Variants in ZC3H3 observed in about 807,000 individuals in gnomAD.
ZC3H3 encodes zinc finger CCCH-type containing 3.
A neutral mutation model predicts 77.3 loss-of-function variants in ZC3H3; 36 were observed. The ratio of observed to expected loss-of-function variants is 0.47; its 90% CI spans 0.36 to 0.61. The LOEUF (loss-of-function observed/expected upper bound fraction) is 0.61, where lower values mean the gene tolerates loss of function less well. ZC3H3 is among the 20% of genes least tolerant of loss of function. ZC3H3 has a pLI of 0.00. For synonymous variants in ZC3H3, 626 were observed against 555.2 expected, an observed-to-expected ratio of 1.13 and a Z score of -1.79; for missense variants, 1,331 against 1,312.2, an observed-to-expected ratio of 1.01 and a Z score of -0.22.
At chr8:143,454,248 A>ATT (rs1162609287) in intron 9 of ZC3H3, among the ~76,000 whole-genome samples, 1 of 139,330 alleles carries the variant, frequency 7.2e-6, no homozygotes, top group Non-Finnish European at 1.6e-5. Context: ...CACTCAGGTA[A>ATT]TTTTTTTTTT....
intron 4 of ZC3H3, among the ~76,000 whole-genome samples, chr8:143,504,950 A>G (rs1371989415): frequency 6.6e-6 from 1 of 152,194 alleles, no homozygotes; most frequent in Non-Finnish European, 1.5e-5. Flanking sequence ...GCAAGATGCT[A>G]AGGCTCTGAG....
At chr8:143,514,931 C>A (rs1563872400) in intron 3 of ZC3H3, among the ~76,000 whole-genome samples, 1 of 152,252 alleles carries the variant, frequency 6.6e-6, no homozygotes, top group African/African-American at 2.4e-5. Context: ...GCCCGGCCGC[C>A]GCATCTGCTG....
intron 4 of ZC3H3, among the ~76,000 whole-genome samples, chr8:143,488,541 G>A (rs551754729): frequency 1.2e-4 from 18 of 148,766 alleles, no homozygotes; most frequent in Admixed American, 3.3e-4. Context: ...AACAGCACCC[G>A]CTACACGGCC....
intron 1 of ZC3H3, among the ~76,000 whole-genome samples, 199 bp downstream of exon 1, chr8:143,541,177 C>T (rs993535426): frequency 1.3e-5 from 2 of 152,200 alleles, no homozygotes; most frequent in Non-Finnish European, 2.9e-5. Flanking sequence ...CGGCACCACT[C>T]CCTCGACAAA....
At chr8:143,536,765 G>T (rs1822813605) in intron 2 of ZC3H3, among the ~76,000 whole-genome samples, 1 of 152,044 alleles carries the variant, frequency 6.6e-6, no homozygotes, top group African/African-American at 2.4e-5. Flanking sequence ...CTCCCCATCT[G>T]CCCAGGAAAA....
intron 1 of ZC3H3, 101 bp downstream of exon 1, chr8:143,541,275 C>G (rs1823005032): frequency 6.4e-7 from 1 of 1,574,642 alleles, no homozygotes; most frequent in African/African-American, 1.4e-5. Context: ...CCACCCAGAA[C>G]ACGCGGGCGG....
At chr8:143,451,839 T>C (rs888274282) in intron 9 of ZC3H3, among the ~76,000 whole-genome samples, 1 of 151,314 alleles carries the variant, frequency 6.6e-6, no homozygotes, top group African/African-American at 2.4e-5. Context: ...TTGCATTGCA[T>C]TGCTTGGAAC....
At chr8:143,461,241 A>G (rs1563839964) in intron 9 of ZC3H3, among the ~76,000 whole-genome samples, 1 of 152,236 alleles carries the variant, frequency 6.6e-6, no homozygotes, top group Non-Finnish European at 1.5e-5. Context: ...GGAATGGCCC[A>G]TAAGCACCCA....
At chr8:143,439,854 CTGAG>C in intron 11 of ZC3H3, among the ~76,000 whole-genome samples, 183 bp downstream of exon 11, 7 of 111,356 alleles carry the variant, frequency 6.3e-5, no homozygotes, top group African/African-American at 1.7e-4. Flanking sequence ...CCCTGGGGGC[CTGAG>C]CCAGGCCATG....
At chr8:143,445,548 C>G (rs1012582890) in intron 9 of ZC3H3, among the ~76,000 whole-genome samples, 4 of 151,962 alleles carry the variant, frequency 2.6e-5, no homozygotes, top group Non-Finnish European at 4.4e-5. Flanking sequence ...ACAAAATTAG[C>G]CAGGTGTCAT....
intron 3 of ZC3H3, among the ~76,000 whole-genome samples, chr8:143,509,942 C>T (rs1459815472): frequency 3.3e-5 from 5 of 152,228 alleles, no homozygotes; most frequent in Non-Finnish European, 1.5e-5. Context: ...CCAGCACATG[C>T]CAAGTCCTCT....
rs1046874750 is a variant in ZC3H3 at position 143,530,944 on chromosome 8, G to A, written c.1561+5313C>T. Among the ~76,000 whole-genome samples, 5 of 148,468 alleles carry A rather than the reference G, an allele frequency of 3.4e-5. No homozygotes were observed. The highest frequency in any genetic ancestry group is 1.0e-4 in the African/African-American group (4 of 40,188). ...TCGCCCAGGCCACCCTTCTGGGGCT[G>A]TCTTCTATCTCCTTTTTTTTTTTTT... On this transcript the variant is annotated intron_variant, in intron 3 of 11. Coordinates refer to ENST00000262577, the MANE Select transcript of ZC3H3 (RefSeq NM_015117.3). This position sits in a 1 kb window ranked among gnomAD's most constrained non-coding sequence, Gnocchi z 4.3.
chr8:143,509,013 C>T (rs191959541), intron 3 of ZC3H3, among the ~76,000 whole-genome samples: 14 of 152,334 alleles, frequency 9.2e-5, no homozygotes, highest in African/African-American at 2.9e-4. Flanking sequence ...CATCTCTCCA[C>T]AGACTCGCTC....
At chr8:143,483,581 G>A (rs1008184827) in intron 4 of ZC3H3, among the ~76,000 whole-genome samples, 1 of 152,188 alleles carries the variant, frequency 6.6e-6, no homozygotes, top group Admixed American at 6.5e-5. Context: ...TGCAGTGGGG[G>A]TGCTAGGCGG....
intron 4 of ZC3H3, among the ~76,000 whole-genome samples, chr8:143,491,544 C>T (rs186946084): frequency 6.0e-4 from 92 of 152,388 alleles, no homozygotes; most frequent in African/African-American, 2.1e-3. Flanking sequence ...CGGCTGGAGA[C>T]GCAGTGTGCC....
At position 143,466,495 on chromosome 8, in the gene ZC3H3, T is replaced by C. The variant is rs1429113007; in HGVS notation, c.2176-647A>G. On this transcript the variant is annotated intron_variant, in intron 8 of 11. Coordinates refer to ENST00000262577, the MANE Select transcript of ZC3H3 (RefSeq NM_015117.3). ...CACAGTCAGTGCTTGTTATCACCAC[T>C]GGGCTGGGAGAGGGAAAAAATGTAA... Among the ~76,000 whole-genome samples, 8 of 152,324 alleles carry C rather than the reference T, an allele frequency of 5.3e-5. No homozygotes were observed. In the East Asian group the frequency reaches 1.4e-3, roughly 26 times the overall value.
chr8:143,479,405 C>A (rs1298902980), intron 4 of ZC3H3, among the ~76,000 whole-genome samples: 3 of 152,164 alleles, frequency 2.0e-5, no homozygotes, highest in African/African-American at 7.2e-5. Flanking sequence ...GGCCAAGGAC[C>A]CGGAGCGCGC....
intron 4 of ZC3H3, among the ~76,000 whole-genome samples, chr8:143,499,005 C>G (rs977712148): frequency 2.0e-5 from 3 of 151,944 alleles, no homozygotes; most frequent in Non-Finnish European, 4.4e-5. Context: ...AGCCATGGCT[C>G]AAATGCAAGC....
At chr8:143,498,735 AGGGCG>A in intron 4 of ZC3H3, among the ~76,000 whole-genome samples, 1 of 98,560 alleles carries the variant, frequency 1.0e-5, no homozygotes, top group Non-Finnish European at 2.1e-5. Flanking sequence ...GGAGGGGCAC[AGGGCG>A]GGGCGGAGGG....
Sources: allele counts gnomAD v4.1 joint callset (sites outside exome capture counted in the v4.1 genomes callset), GRCh38; gene constraint gnomAD v4.1.1; non-coding constraint Gnocchi (gnomAD v3.1); transcripts MANE v1.5; gene names NCBI Gene and HGNC (gene_info 2026-07-23, HGNC 2026-07-21).